Variants in ERC2 observed in about 807,000 individuals in gnomAD.
The protein encoded by ERC2 is ELKS/RAB6-interacting/CAST family member 2, also known as ERC protein 2.
Under a neutral mutation model 114.8 loss-of-function variants are expected in ERC2, and 42 were observed. That is an observed-to-expected ratio of 0.37 (90% confidence interval 0.29 to 0.47). ERC2 has a LOEUF of 0.47. ERC2 is among the 20% of genes least tolerant of loss of function. ERC2 has a pLI of 0.99. For missense variants in ERC2, 939 were observed against 1,150.7 expected (o/e 0.82, Z 2.66); for synonymous variants, 454 against 425.5 (o/e 1.07, Z -0.82).
chr3:56,375,693 G>A (rs140598388), intron 2 of ERC2, among the ~76,000 whole-genome samples: 3 of 152,172 alleles, frequency 2.0e-5, no homozygotes, highest in Non-Finnish European at 4.4e-5. Flanking sequence ...AGGCAGCTTC[G>A]TAAATTGTTC....
At chr3:56,459,527 CCACACA>C (rs58270143) in intron 1 of ERC2, among the ~76,000 whole-genome samples, 52,742 of 150,652 alleles carry the variant, frequency 0.35, 9,477 homozygotes, top group Admixed American at 0.46. Flanking sequence ...TGCTATCAGA[CCACACA>C]CACACACACA....
At chr3:56,312,826 G>A (rs1412861905) in intron 2 of ERC2, among the ~76,000 whole-genome samples, 1 of 149,788 alleles carries the variant, frequency 6.7e-6, no homozygotes, top group Non-Finnish European at 1.5e-5. Flanking sequence ...TTGAATATGT[G>A]AATATACTGG....
chr3:56,342,922 G>A (rs946108398), intron 2 of ERC2, among the ~76,000 whole-genome samples: 5 of 152,040 alleles, frequency 3.3e-5, no homozygotes, highest in Non-Finnish European at 5.9e-5. Flanking sequence ...CCAGGAAAGG[G>A]GCATTTATTC....
At chr3:56,396,749 A>G (rs2060322447) in intron 2 of ERC2, among the ~76,000 whole-genome samples, 1 of 152,104 alleles carries the variant, frequency 6.6e-6, no homozygotes, top group South Asian at 2.1e-4. Context: ...CACAGAAAGG[A>G]AAGATTTTTT....
intron 7 of ERC2, among the ~76,000 whole-genome samples, chr3:56,030,127 G>C (rs1456972885): frequency 6.6e-6 from 1 of 152,074 alleles, no homozygotes; most frequent in African/African-American, 2.4e-5. Context: ...CCCCTTGTCT[G>C]TCTGTTATCA....
At chr3:55,781,301 A>G (rs2069021400) in intron 14 of ERC2, among the ~76,000 whole-genome samples, 1 of 152,160 alleles carries the variant, frequency 6.6e-6, no homozygotes, top group Admixed American at 6.5e-5. Context: ...CTGTTGGAAG[A>G]ACAAGCACTG....
intron 17 of ERC2, among the ~76,000 whole-genome samples, chr3:55,664,533 G>T (rs1326636523): frequency 6.6e-6 from 1 of 152,210 alleles, no homozygotes; most frequent in African/African-American, 2.4e-5. Flanking sequence ...ACGCCAGGCG[G>T]TGTTAATTGC....
intron 14 of ERC2, among the ~76,000 whole-genome samples, chr3:55,845,503 CAAAAA>C (rs764740068): frequency 1.6e-5 from 1 of 64,046 alleles, no homozygotes; most frequent in Non-Finnish European, 3.0e-5. Flanking sequence ...GACTCCGTCT[CAAAAA>C]AAAAAAAAAA....
chr3:55,649,924 G>C (rs1416994366), intron 17 of ERC2, among the ~76,000 whole-genome samples: 1 of 152,188 alleles, frequency 6.6e-6, no homozygotes, highest in Non-Finnish European at 1.5e-5. Flanking sequence ...GTCGCTGGAA[G>C]ACATGCAGGT....
intron 7 of ERC2, among the ~76,000 whole-genome samples, chr3:56,049,215 C>T (rs1294313327): frequency 3.3e-5 from 5 of 152,144 alleles, no homozygotes; most frequent in South Asian, 2.1e-4. Flanking sequence ...ATGAGGCTGG[C>T]TGCTGGGGGT....
chr3:56,420,176 A>AATTTTTTTTTT (rs2061331844), intron 2 of ERC2, among the ~76,000 whole-genome samples: 1 of 107,280 alleles, frequency 9.3e-6, no homozygotes, highest in African/African-American at 3.5e-5. Flanking sequence ...AAGTGGTTAT[A>AATTTTTTTTTT]CTTTTTTTTT....
chr3:55,841,555 C>A (rs888353310), intron 14 of ERC2, among the ~76,000 whole-genome samples: 5 of 152,190 alleles, frequency 3.3e-5, no homozygotes, highest in Admixed American at 6.5e-5. Context: ...TGGCAACAAC[C>A]AAAACAATAC....
chr3:55,809,671 C>T (rs1427121651), intron 14 of ERC2, among the ~76,000 whole-genome samples: 1 of 152,128 alleles, frequency 6.6e-6, no homozygotes, highest in Non-Finnish European at 1.5e-5. Flanking sequence ...AGCACTTTTG[C>T]AGGGCCATTT....
chr3:56,047,957 G>A (rs565808831), intron 7 of ERC2, among the ~76,000 whole-genome samples: 14 of 152,236 alleles, frequency 9.2e-5, no homozygotes, highest in African/African-American at 2.9e-4. Flanking sequence ...TAGATGCAGT[G>A]GAATTCCAAG....
intron 17 of ERC2, among the ~76,000 whole-genome samples, chr3:55,662,740 G>A (rs1339720562): frequency 6.6e-6 from 1 of 152,112 alleles, no homozygotes; most frequent in Non-Finnish European, 1.5e-5. Flanking sequence ...TATTACTAAG[G>A]GTAGGGGCAT....
chr3:55,551,015 CAAA>C (rs368001324), intron 17 of ERC2, among the ~76,000 whole-genome samples: 5 of 76,692 alleles, frequency 6.5e-5, no homozygotes, highest in Admixed American at 1.5e-4. Context: ...GACTCCGTCT[CAAA>C]AAAAAAAAAA....
At chr3:56,203,016 CAT>C (rs1402222705) in intron 3 of ERC2, among the ~76,000 whole-genome samples, 6 of 152,206 alleles carry the variant, frequency 3.9e-5, no homozygotes, top group Admixed American at 6.5e-5. Context: ...TGAAATCACA[CAT>C]GTCTTAGGTC....
At chr3:56,269,423 C>G (rs2053518672) in intron 3 of ERC2, among the ~76,000 whole-genome samples, 2 of 152,204 alleles carry the variant, frequency 1.3e-5, no homozygotes, top group Admixed American at 1.3e-4. Flanking sequence ...ATGGGTGAGT[C>G]TGCTCAGACC....
At chr3:55,797,062 A>T (rs2070570804) in intron 14 of ERC2, among the ~76,000 whole-genome samples, 1 of 152,218 alleles carries the variant, frequency 6.6e-6, no homozygotes, top group African/African-American at 2.4e-5. Flanking sequence ...CAAACTTAAA[A>T]TATTTTAAGA....
Sources: gnomAD v4.1 joint callset for allele counts (sites outside exome capture counted in the v4.1 genomes callset) on GRCh38, gnomAD v4.1.1 for gene constraint, MANE v1.5 for transcripts, NCBI Gene and HGNC (gene_info 2026-07-23, HGNC 2026-07-21) for gene names.